RGS7: variants seen among roughly 807,000 people sequenced by gnomAD.
RGS7 encodes regulator of G-protein signaling 7.
A neutral mutation model predicts 81.1 loss-of-function variants in RGS7; 27 were observed. The ratio of observed to expected loss-of-function variants is 0.33; its 90% CI spans 0.25 to 0.46. The LOEUF (loss-of-function observed/expected upper bound fraction) is 0.46, where lower values mean the gene tolerates loss of function less well. Ranked by LOEUF, RGS7 falls within the 20% of genes least tolerant of loss-of-function variation. RGS7 has a pLI of 1.00. For synonymous variants in RGS7, 208 were observed against 207.7 expected (o/e 1.00, Z -0.01); for missense variants, 396 against 607.4 (o/e 0.65, Z 3.66).
intron 6 of RGS7, among the ~76,000 whole-genome samples, chr1:240,915,444 T>C (rs915153732): frequency 6.6e-6 from 1 of 152,156 alleles, no homozygotes; most frequent in African/African-American, 2.4e-5. Context: ...TCCTGTATAA[T>C]AACAGATGAA....
At chr1:241,030,373 T>TATATATATATATATATATATATAC (rs374223475) in intron 3 of RGS7, among the ~76,000 whole-genome samples, 11 of 135,180 alleles carry the variant, frequency 8.1e-5, no homozygotes, top group African/African-American at 1.7e-4. Context: ...TATATATATA[T>TATATATATATATATATATATATAC]ACATACACAC....
chr1:241,137,216 TCC>T lies in RGS7; in HGVS notation c.79-38456_79-38455del, dbSNP rs201175680. On this transcript the variant is annotated intron_variant, in intron 2 of 18. Transcript: ENST00000440928. ...ACCGTATTTTATTGGCATTTTTTTT[TCC>T]TTTTCTTTCTCTCCTGCTGTGAGCT... is the stretch of plus-strand genomic sequence containing the variant. Among the ~76,000 whole-genome samples, 346 of 152,120 alleles carry T rather than the reference TCC, an allele frequency of 2.3e-3. 10 individuals are homozygous for T. In the East Asian group the frequency reaches 0.058, roughly 26 times the overall value.
chr1:241,118,768 C>A (rs1334422213), intron 2 of RGS7, among the ~76,000 whole-genome samples: 1 of 152,100 alleles, frequency 6.6e-6, no homozygotes, highest in Admixed American at 6.6e-5. Flanking sequence ...GGGCCATTAT[C>A]CTAAGTGAAC....
At chr1:241,297,906 C>A (rs1013120285) in intron 2 of RGS7, among the ~76,000 whole-genome samples, 2 of 152,178 alleles carry the variant, frequency 1.3e-5, no homozygotes, top group Non-Finnish European at 2.9e-5. Flanking sequence ...CTGAAGGCAC[C>A]AAATGACCTG....
intron 9 of RGS7, among the ~76,000 whole-genome samples, chr1:240,830,986 G>A (rs975857037): frequency 2.0e-5 from 3 of 152,112 alleles, no homozygotes; most frequent in Non-Finnish European, 2.9e-5. Context: ...ATTCCCACTT[G>A]AGCCAATTAT....
intron 2 of RGS7, among the ~76,000 whole-genome samples, chr1:241,230,504 G>A (rs1042909601): frequency 3.3e-5 from 5 of 152,120 alleles, no homozygotes; most frequent in Admixed American, 1.3e-4. Context: ...ATGAGCCACC[G>A]CACCCGGCCA....
At chr1:240,973,293 C>T (rs1215213309) in intron 4 of RGS7, among the ~76,000 whole-genome samples, 1 of 151,946 alleles carries the variant, frequency 6.6e-6, no homozygotes, top group Admixed American at 6.6e-5. Context: ...CTGAGGAGGG[C>T]AGATCACCTG....
chr1:241,280,617 C>T (rs895035353), intron 2 of RGS7, among the ~76,000 whole-genome samples: 1 of 152,220 alleles, frequency 6.6e-6, no homozygotes, highest in Non-Finnish European at 1.5e-5. Context: ...CCTGCCTCAG[C>T]CTCCTGAGTA....
chr1:241,330,996 A>T (rs753217920), intron 2 of RGS7, among the ~76,000 whole-genome samples: 1 of 152,144 alleles, frequency 6.6e-6, no homozygotes, highest in Non-Finnish European at 1.5e-5. Flanking sequence ...GTACATCTCT[A>T]TTTAGCTTGA....
intron 2 of RGS7, among the ~76,000 whole-genome samples, chr1:241,123,012 G>T (rs2066396843): frequency 1.3e-5 from 2 of 152,170 alleles, no homozygotes. Context: ...ATGAATAAAT[G>T]AGGGAAATTT....
intron 2 of RGS7, among the ~76,000 whole-genome samples, chr1:241,315,988 C>G (rs1338462488): frequency 6.6e-6 from 1 of 152,142 alleles, no homozygotes; most frequent in South Asian, 2.1e-4. Flanking sequence ...TGTTGATATA[C>G]TGAATCACAT....
At chr1:241,292,325 T>C (rs2079136166) in intron 2 of RGS7, among the ~76,000 whole-genome samples, 1 of 152,210 alleles carries the variant, frequency 6.6e-6, no homozygotes, top group Non-Finnish European at 1.5e-5. Context: ...ATGTACTGTA[T>C]GTAATTGTAT....
intron 4 of RGS7, among the ~76,000 whole-genome samples, chr1:240,944,126 T>A (rs969535170): frequency 6.6e-6 from 1 of 151,576 alleles, no homozygotes; most frequent in Non-Finnish European, 1.5e-5. Flanking sequence ...GAAAAAATGA[T>A]CCATGTAATA....
At chr1:241,160,110 C>CAAAAA (rs369734662) in intron 2 of RGS7, among the ~76,000 whole-genome samples, 22 of 56,034 alleles carry the variant, frequency 3.9e-4, no homozygotes, top group East Asian at 6.6e-4. Flanking sequence ...GACTCCATCT[C>CAAAAA]AAAAAAAAAA....
At chr1:240,804,333 A>G (rs771738986) in intron 15 of RGS7, among the ~76,000 whole-genome samples, 5 of 152,172 alleles carry the variant, frequency 3.3e-5, no homozygotes, top group Non-Finnish European at 7.4e-5. Flanking sequence ...CAAAACCCCT[A>G]TGGGGTTGGT....
chr1:241,040,870 T>C (rs932318158), intron 3 of RGS7, among the ~76,000 whole-genome samples: 9 of 152,278 alleles, frequency 5.9e-5, no homozygotes, highest in African/African-American at 1.9e-4. Context: ...TATTATAAAT[T>C]TTCCCTGTTC....
At chr1:241,334,672 T>C (rs1186045714) in intron 2 of RGS7, among the ~76,000 whole-genome samples, 1 of 152,190 alleles carries the variant, frequency 6.6e-6, no homozygotes, top group Non-Finnish European at 1.5e-5. Flanking sequence ...ATACTGCAGT[T>C]TTCTAAAGTA....
chr1:240,894,175 G>A (rs1011663123), intron 6 of RGS7, among the ~76,000 whole-genome samples: 1 of 152,082 alleles, frequency 6.6e-6, no homozygotes. Context: ...GATAGGCTAC[G>A]TATTTATTCT....
chr1:241,253,605 G>A (rs1431316143), intron 2 of RGS7, among the ~76,000 whole-genome samples: 1 of 152,170 alleles, frequency 6.6e-6, no homozygotes, highest in Non-Finnish European at 1.5e-5. Flanking sequence ...ACAGCAGGCA[G>A]TAGAATTATT....
Sources: gnomAD v4.1 joint callset for allele counts (sites outside exome capture counted in the v4.1 genomes callset) on GRCh38, gnomAD v4.1.1 for gene constraint, MANE v1.5 for transcripts, NCBI Gene and HGNC (gene_info 2026-07-23, HGNC 2026-07-21) for gene names.